The following MYRIP variants were observed in gnomAD, a reference collection of about 807,000 sequenced individuals.
The protein encoded by MYRIP is rab effector MyRIP.
A neutral mutation model predicts 98.0 loss-of-function variants in MYRIP; 49 were observed. That is an observed-to-expected ratio of 0.50 (90% CI 0.40 to 0.63). The LOEUF (loss-of-function observed/expected upper bound fraction) is 0.63, where lower values mean the gene tolerates loss of function less well. Among genes scored for constraint, MYRIP ranks in the 30% least tolerant of loss-of-function variants. The pLI, the probability that MYRIP is intolerant of heterozygous loss-of-function variation, is 0.00. For synonymous variants in MYRIP, 404 were observed against 409.5 expected, an observed-to-expected ratio of 0.99 and a Z score of 0.16; for missense variants, 1,004 against 1,058.2, an observed-to-expected ratio of 0.95 and a Z score of 0.71.
In MYRIP at chr3:39,948,566, A is replaced by G. The variant is rs572269507; in HGVS notation, c.110+47640A>G. ...ACACATATTACATAGCAGATTAAAC[A>G]TTGGTGAAGATTAAACACTGTAAGA... On this transcript the variant is annotated intron_variant, in intron 2 of 16. Transcript: ENST00000302541. Among the ~76,000 whole-genome samples, 125 of 152,284 alleles carry G rather than the reference A, an allele frequency of 8.2e-4. 1 individual carries two copies. In the Middle Eastern group the frequency reaches 0.027, roughly 33 times the overall value.
chr3:40,087,200 A>C (rs1470283827), intron 3 of MYRIP, among the ~76,000 whole-genome samples: 1 of 151,982 alleles, frequency 6.6e-6, no homozygotes, highest in African/African-American at 2.4e-5. Flanking sequence ...GTGGATTCTG[A>C]CACCAGCCCC....
At chr3:40,050,712 AC>A (rs1468600075) in intron 3 of MYRIP, among the ~76,000 whole-genome samples, 1 of 152,198 alleles carries the variant, frequency 6.6e-6, no homozygotes, top group Non-Finnish European at 1.5e-5. Context: ...TTGAAAACAA[AC>A]CTTTTGGAAA....
chr3:39,996,240 A>G (rs1946350617), intron 2 of MYRIP, among the ~76,000 whole-genome samples: 1 of 152,102 alleles, frequency 6.6e-6, no homozygotes, highest in African/African-American at 2.4e-5. Flanking sequence ...AGACTGGCAA[A>G]TTGGATAAAG....
At chr3:39,988,313 TAA>T (rs59720924) in intron 2 of MYRIP, among the ~76,000 whole-genome samples, 7 of 147,394 alleles carry the variant, frequency 4.7e-5, no homozygotes, top group African/African-American at 1.2e-4. Flanking sequence ...AGTATAATGA[TAA>T]AAAAAAAAAG....
rs371951418 is a variant in MYRIP at position 40,040,788 on chromosome 3, A to G, written c.111-3262A>G. Reference sequence around the variant, plus strand: ...GGTGGGAAGTGAACAATGAGATCACATGGACACAGGAAGGGGGGAATATCA... The same window carrying G: ...GGTGGGAAGTGAACAATGAGATCACGTGGACACAGGAAGGGGGGAATATCA... On this transcript the variant is annotated intron_variant, in intron 2 of 16. Coordinates refer to ENST00000302541, the MANE Select transcript of MYRIP (RefSeq NM_015460.4). 1.9e-4 allele frequency among the ~76,000 whole-genome samples: 3 copies of G among 16,100 alleles called. No individual in the cohort carries two copies. In the East Asian group the frequency reaches 4.7e-3, roughly 25 times the overall value. The allele number at this position is 16,100 out of a possible 152,430, so 10.6% of individuals were successfully genotyped here.
chr3:39,980,473 TCCA>T (rs1436582574), intron 2 of MYRIP, among the ~76,000 whole-genome samples: 1 of 152,196 alleles, frequency 6.6e-6, no homozygotes, highest in East Asian at 1.9e-4. Flanking sequence ...ACCATCAGCA[TCCA>T]CTACAGATGC....
intron 3 of MYRIP, among the ~76,000 whole-genome samples, chr3:40,083,563 T>C (rs1948526935): frequency 6.6e-6 from 1 of 152,216 alleles, no homozygotes; most frequent in African/African-American, 2.4e-5. Flanking sequence ...ACTCCCTAGA[T>C]ACCAGACCTG....
At chr3:40,135,133 GA>G (rs1213994277) in intron 3 of MYRIP, among the ~76,000 whole-genome samples, 1 of 151,732 alleles carries the variant, frequency 6.6e-6, no homozygotes, top group Non-Finnish European at 1.5e-5. Context: ...TAAAAACTTT[GA>G]AAAAAAATTA....
At chr3:39,832,970 A>T (rs1941497727) in intron 1 of MYRIP, among the ~76,000 whole-genome samples, 1 of 152,248 alleles carries the variant, frequency 6.6e-6, no homozygotes. Flanking sequence ...AAATAGCACC[A>T]AATTGGAATC....
At chr3:39,964,823 T>C (rs551102344) in intron 2 of MYRIP, among the ~76,000 whole-genome samples, 1 of 152,184 alleles carries the variant, frequency 6.6e-6, no homozygotes, top group Admixed American at 6.6e-5. Flanking sequence ...TGCTTAAAAC[T>C]TTTCTTATAA....
chr3:40,250,747 G>A (rs9827024), intron 15 of MYRIP, among the ~76,000 whole-genome samples: 70,902 of 152,122 alleles, frequency 0.47, 17,636 homozygotes, highest in Non-Finnish European at 0.57. Context: ...AATTAAGTCA[G>A]TCAATACAGG....
chr3:39,963,030 C>T (rs1945361475), intron 2 of MYRIP, among the ~76,000 whole-genome samples: 3 of 152,068 alleles, frequency 2.0e-5, no homozygotes, highest in Admixed American at 2.0e-4. Flanking sequence ...ATTCAGTAAG[C>T]TCATGTACGA....
At chr3:40,176,364 G>A (rs1182408228) in intron 8 of MYRIP, among the ~76,000 whole-genome samples, 1 of 152,236 alleles carries the variant, frequency 6.6e-6, no homozygotes, top group East Asian at 1.9e-4. Flanking sequence ...TGGTGCAGAT[G>A]TAGAACATTT....
At chr3:39,984,309 C>A (rs1945974167) in intron 2 of MYRIP, among the ~76,000 whole-genome samples, 1 of 152,000 alleles carries the variant, frequency 6.6e-6, no homozygotes, top group African/African-American at 2.4e-5. Flanking sequence ...ATGTGCCATG[C>A]TGGTGCGCTG....
intron 2 of MYRIP, among the ~76,000 whole-genome samples, chr3:39,931,065 A>G (rs1006560620): frequency 2.6e-5 from 4 of 152,098 alleles, no homozygotes; most frequent in Non-Finnish European, 5.9e-5. Context: ...CGATAACAAA[A>G]GAACAAAAAC....
At position 40,166,833 on chromosome 3, in the gene MYRIP, G is replaced by C; in HGVS notation, c.551-13G>C. 6.4e-7 allele frequency: 1 copy of C among 1,571,940 alleles called. No individual in the cohort carries two copies. The highest frequency in any genetic ancestry group is 2.2e-5 in the East Asian group (1 of 44,674). On this transcript the variant is annotated splice_polypyrimidine_tract_variant and intron_variant, in intron 5 of 16. Transcript: ENST00000302541. Reference sequence around the variant, plus strand: ...CCCTTTTAGAAATGCTCTTTGTTCTGTTTCCTGTCTAGGACATAGTGTGAT... The same window carrying C: ...CCCTTTTAGAAATGCTCTTTGTTCTCTTTCCTGTCTAGGACATAGTGTGAT...
At chr3:39,885,751 C>T (rs921471924) in intron 1 of MYRIP, among the ~76,000 whole-genome samples, 1 of 152,008 alleles carries the variant, frequency 6.6e-6, no homozygotes, top group Non-Finnish European at 1.5e-5. Flanking sequence ...TTCATTTGAT[C>T]TTCCATCACT....
upstream of MYRIP, chr3:39,809,467 C>T (rs1263560453): frequency 2.7e-5 from 4 of 147,350 alleles, no homozygotes; most frequent in African/African-American, 9.8e-5. Context: ...CACCCCCTGC[C>T]CCGGCGCAGG....
intron 3 of MYRIP, among the ~76,000 whole-genome samples, chr3:40,049,451 C>T (rs114051100): frequency 0.011 from 1,622 of 152,106 alleles, 27 homozygotes; most frequent in African/African-American, 0.037. Context: ...TTTGGGGGCA[C>T]AACAAACCAC....
Sources: gnomAD v4.1 joint callset for allele counts (sites outside exome capture counted in the v4.1 genomes callset) on GRCh38, gnomAD v4.1.1 for gene constraint, MANE v1.5 for transcripts, NCBI Gene and HGNC (gene_info 2026-07-23, HGNC 2026-07-21) for gene names.